Variants in PAH observed in about 807,000 individuals in gnomAD.
PAH encodes the protein phenylalanine-4-hydroxylase.
Under a neutral mutation model 62.0 loss-of-function variants are expected in PAH, and 64 were observed. That is an observed-to-expected ratio of 1.03 (90% CI 0.84 to 1.27). The LOEUF is 1.27. PAH is among the 50% of genes most tolerant of loss of function. PAH has a pLI of 0.00. For missense variants in PAH, 579 were observed against 542.8 expected (o/e 1.07, Z -0.66); for synonymous variants, 195 against 196.2 (o/e 0.99, Z 0.05).
intron 8 of PAH, 143 bp from the exon 9 acceptor site, chr12:102,847,094 T>C: frequency 4.2e-6 from 3 of 708,166 alleles, no homozygotes; most frequent in Non-Finnish European, 7.8e-6. Flanking sequence ...TATCAAGTCT[T>C]TCCTGCCCAT....
chr12:102,948,742 A>C (rs1879605759), intron 1 of PAH, among the ~76,000 whole-genome samples: 1 of 152,244 alleles, frequency 6.6e-6, no homozygotes, highest in Non-Finnish European at 1.5e-5. Context: ...CTAGAGAAAT[A>C]GTTCTTTATC....
chr12:102,954,315 G>C (rs376641310), upstream of PAH, among the ~76,000 whole-genome samples: 216 of 152,346 alleles, frequency 1.4e-3, 3 homozygotes, highest in African/African-American at 4.8e-3. Flanking sequence ...GTGAGACAGA[G>C]TGGCACTGGA....
At chr12:102,880,751 C>A (rs1035451936) in intron 3 of PAH, among the ~76,000 whole-genome samples, 1 of 151,670 alleles carries the variant, frequency 6.6e-6, no homozygotes, top group Admixed American at 6.6e-5. Flanking sequence ...AGGGACAACA[C>A]GAGATAAGCA....
chr12:102,937,546 A>G (rs2136757410), intron 1 of PAH, among the ~76,000 whole-genome samples: 2 of 152,300 alleles, frequency 1.3e-5, no homozygotes, highest in East Asian at 3.9e-4. Flanking sequence ...AACTAATTTT[A>G]AAACTCTACA....
At position 102,876,123 on chromosome 12, in the gene PAH, A is replaced by G. The variant is rs559542826; in HGVS notation, c.441+1339T>C. On this transcript the variant is annotated intron_variant, in intron 4 of 12. Coordinates refer to ENST00000553106, the MANE Select transcript of PAH (RefSeq NM_000277.3). The stretch of plus-strand genomic sequence containing the variant: ...TTGATATATGCTTTCTCATTATTTG[A>G]AAAATGCAGAACTGTCCAGAGAGAA... Among the ~76,000 whole-genome samples the G allele has an allele frequency of 3.9e-5, 6 of 152,162 alleles. No individual in the cohort carries two copies. In the South Asian group the frequency reaches 1.0e-3, roughly 26 times the overall value.
intron 1 of PAH, among the ~76,000 whole-genome samples, chr12:102,927,388 T>C (rs1430045331): frequency 2.0e-5 from 3 of 152,010 alleles, no homozygotes; most frequent in South Asian, 4.2e-4. Context: ...CACACTCTCT[T>C]GTGATTTTGT....
chr12:102,892,516 A>G (rs1045917959), intron 3 of PAH, among the ~76,000 whole-genome samples: 1 of 152,276 alleles, frequency 6.6e-6, no homozygotes, highest in African/African-American at 2.4e-5. Context: ...ATTCATAATC[A>G]TCAAAAATTG....
At chr12:102,958,120 C>T (rs1192090355) in intron 1 of PAH, 10 of 653,340 alleles carry the variant, frequency 1.5e-5, no homozygotes, top group Non-Finnish European at 2.2e-5. Context: ...AGGGCTCCCG[C>T]TTCATATTTC....
chr12:102,887,333 C>T (rs933106561), intron 3 of PAH, among the ~76,000 whole-genome samples: 1 of 151,534 alleles, frequency 6.6e-6, no homozygotes, highest in East Asian at 1.9e-4. Flanking sequence ...AGCACAAAGT[C>T]AAGTGGATGA....
chr12:102,890,248 G>C (rs1877220744), intron 3 of PAH, among the ~76,000 whole-genome samples: 1 of 152,198 alleles, frequency 6.6e-6, no homozygotes, highest in African/African-American at 2.4e-5. Flanking sequence ...CCTGCTGTCA[G>C]ACTCGCCTCT....
chr12:102,954,462 C>T (rs1448305251), upstream of PAH, among the ~76,000 whole-genome samples: 1 of 152,154 alleles, frequency 6.6e-6, no homozygotes, highest in Admixed American at 6.5e-5. Context: ...TAGACCTGGG[C>T]TAGAGTGCTC....
intron 1 of PAH, among the ~76,000 whole-genome samples, chr12:102,923,331 T>G (rs1381429217): frequency 2.6e-5 from 4 of 152,212 alleles, no homozygotes; most frequent in Non-Finnish European, 5.9e-5. Flanking sequence ...GACAGGGACT[T>G]GACTGTATAC....
chr12:102,913,620 ATGACCTCT>A (rs1878282778), intron 1 of PAH, among the ~76,000 whole-genome samples: 1 of 152,216 alleles, frequency 6.6e-6, no homozygotes, highest in Non-Finnish European at 1.5e-5. Flanking sequence ...ATACACAAAA[ATGACCTCT>A]TGACCTTTGG....
At chr12:102,914,739 A>T (rs1878323775) in intron 1 of PAH, among the ~76,000 whole-genome samples, 1 of 152,196 alleles carries the variant, frequency 6.6e-6, no homozygotes, top group Non-Finnish European at 1.5e-5. Flanking sequence ...GATATTTCTG[A>T]TACACATCCA....
intron 3 of PAH, among the ~76,000 whole-genome samples, chr12:102,891,631 G>A (rs893722851): frequency 1.3e-5 from 2 of 152,186 alleles, no homozygotes; most frequent in African/African-American, 2.4e-5. Context: ...AGAGGCTCTT[G>A]TGACTCCCCT....
At chr12:102,876,315 T>TA (rs1009888582) in intron 4 of PAH, among the ~76,000 whole-genome samples, 1 of 152,180 alleles carries the variant, frequency 6.6e-6, no homozygotes, top group Non-Finnish European at 1.5e-5. Flanking sequence ...TTGGCCTCTG[T>TA]AAAAGAGCCT....
At chr12:102,925,020 T>C (rs1345039506) in intron 1 of PAH, among the ~76,000 whole-genome samples, 3 of 152,176 alleles carry the variant, frequency 2.0e-5, no homozygotes, top group Non-Finnish European at 4.4e-5. Context: ...ACAGCTAGGT[T>C]CTCCATTTTC....
At chr12:102,862,150 A>G (rs540963063) in intron 5 of PAH, among the ~76,000 whole-genome samples, 2 of 152,306 alleles carry the variant, frequency 1.3e-5, no homozygotes, top group Admixed American at 6.5e-5. Context: ...CATGGAATCA[A>G]CTTCATTGCC....
intron 5 of PAH, among the ~76,000 whole-genome samples, chr12:102,858,525 T>A (rs1191150419): frequency 1.3e-5 from 2 of 152,220 alleles, no homozygotes; most frequent in Admixed American, 6.5e-5. Context: ...GAATATACAT[T>A]CTTCTCACCA....
Sources: allele counts gnomAD v4.1 joint callset (sites outside exome capture counted in the v4.1 genomes callset), GRCh38; gene constraint gnomAD v4.1.1; transcripts MANE v1.5; gene names NCBI Gene and HGNC (gene_info 2026-07-23, HGNC 2026-07-21).